The following GRM7 variants were observed in gnomAD, a reference collection of about 807,000 sequenced individuals.
GRM7 encodes the protein metabotropic glutamate receptor 7.
GRM7 carries 35 observed loss-of-function variants against 84.5 expected under a neutral mutation model. That is an observed-to-expected ratio of 0.41 (90% confidence interval 0.32 to 0.55). The LOEUF (loss-of-function observed/expected upper bound fraction) is 0.55, where lower values mean the gene tolerates loss of function less well. GRM7 is among the 20% of genes least tolerant of loss of function. The pLI is 0.19. For synonymous variants in GRM7, 487 were observed against 455.1 expected, an observed-to-expected ratio of 1.07 and a Z score of -0.89; for missense variants, 1,003 against 1,194.6, an observed-to-expected ratio of 0.84 and a Z score of 2.36.
chr3:6,900,101 G>A (rs182715294), intron 1 of GRM7, among the ~76,000 whole-genome samples: 3 of 152,290 alleles, frequency 2.0e-5, no homozygotes, highest in Admixed American at 2.0e-4. Flanking sequence ...AAGATAATCT[G>A]GAAGTCTACT....
rs184643125 is a variant in GRM7, at chr3:7,321,654, A to G, written c.1033+15002A>G. On this transcript the variant is annotated intron_variant, in intron 4 of 9. Transcript: ENST00000357716. ...GTCAAATACCAGTTTTCCTAAAGTC[A>G]ATCACTCTGACACTGATATTTGGAG... is the stretch of plus-strand genomic sequence containing the variant. 4.3e-4 allele frequency among the ~76,000 whole-genome samples: 65 copies of G among 151,980 alleles called. 2 individuals are homozygous for G. Among genetic ancestry groups the G allele is most frequent in the Admixed American group, 3.3e-3 (51 of 15,230 alleles).
At chr3:7,176,408 C>T (rs937704193) in intron 2 of GRM7, among the ~76,000 whole-genome samples, 3 of 151,918 alleles carry the variant, frequency 2.0e-5, no homozygotes, top group Non-Finnish European at 2.9e-5. Context: ...CAGAGCAAGA[C>T]CCTGTCTTGA....
At chr3:7,526,972 C>T (rs1469356028) in intron 7 of GRM7, among the ~76,000 whole-genome samples, 1 of 151,794 alleles carries the variant, frequency 6.6e-6, no homozygotes, top group Non-Finnish European at 1.5e-5. Context: ...ATTCATCTGG[C>T]TTTGTTCTTT....
At chr3:7,392,840 C>T (rs1215853497) in intron 4 of GRM7, among the ~76,000 whole-genome samples, 1 of 152,196 alleles carries the variant, frequency 6.6e-6, no homozygotes, top group East Asian at 1.9e-4. Flanking sequence ...GTGAGAAGTG[C>T]AGTCTAGTTG....
intron 2 of GRM7, among the ~76,000 whole-genome samples, chr3:7,287,691 G>A (rs189675552): frequency 1.2e-4 from 18 of 151,986 alleles, no homozygotes; most frequent in Middle Eastern, 3.4e-3. Context: ...ACTTATTTGC[G>A]TTGGGACATA....
intron 9 of GRM7, chr3:7,686,280 G>A: frequency 4.3e-6 from 3 of 691,204 alleles, no homozygotes; most frequent in Non-Finnish European, 7.8e-6. Context: ...TTTCCCAAAA[G>A]GAAAATAATA....
intron 1 of GRM7, among the ~76,000 whole-genome samples, chr3:6,897,694 T>C (rs1179053588): frequency 1.3e-5 from 2 of 152,234 alleles, no homozygotes; most frequent in African/African-American, 4.8e-5. Context: ...GGTAATAATG[T>C]GGTTTGTAAA....
At chr3:7,457,624 C>T (rs1698072355) in intron 6 of GRM7, among the ~76,000 whole-genome samples, 5 of 152,164 alleles carry the variant, frequency 3.3e-5, no homozygotes, top group Admixed American at 3.3e-4. Flanking sequence ...TGTTAGCTTT[C>T]CTTCATCAAG....
chr3:7,323,454 A>G (rs1700863792), intron 4 of GRM7, among the ~76,000 whole-genome samples: 1 of 152,208 alleles, frequency 6.6e-6, no homozygotes, highest in African/African-American at 2.4e-5. Context: ...TCTGGTGCAC[A>G]TCTGTCTTAC....
chr3:7,433,329 T>C (rs73115588), intron 5 of GRM7, among the ~76,000 whole-genome samples: 2,498 of 152,302 alleles, frequency 0.016, 77 homozygotes, highest in African/African-American at 0.058. Flanking sequence ...TTCCATTCCT[T>C]CCCAGAGCTC....
chr3:7,580,273 G>A (rs3804905), intron 8 of GRM7, among the ~76,000 whole-genome samples: 6,606 of 152,176 alleles, frequency 0.043, 389 homozygotes, highest in African/African-American at 0.13. Flanking sequence ...GGCAGCTCTG[G>A]CAGGTCAGTA....
intron 8 of GRM7, among the ~76,000 whole-genome samples, chr3:7,653,265 C>G (rs930953944): frequency 2.8e-5 from 4 of 140,614 alleles, no homozygotes; most frequent in South Asian, 2.5e-4. Flanking sequence ...GACAAGCACT[C>G]AATAAATGGC....
In GRM7 at chr3:7,126,457, T is replaced by C. The variant is rs1052480082; in HGVS notation, c.520-19995T>C. Among the ~76,000 whole-genome samples the C allele has an allele frequency of 1.3e-4, 20 of 152,262 alleles. 4 individuals carry two copies. The highest frequency in any genetic ancestry group is 4.6e-4 in the Admixed American group (7 of 15,286). On this transcript the variant is annotated intron_variant, in intron 1 of 9. Coordinates refer to ENST00000357716, the MANE Select transcript of GRM7 (RefSeq NM_000844.4). ...CAATAAACCCTAGTCACATATGACA[T>C]ATGAAACCCCGAAGGTTTGTCAACT...
At chr3:7,028,091 G>A (rs1026105774) in intron 1 of GRM7, among the ~76,000 whole-genome samples, 2 of 152,096 alleles carry the variant, frequency 1.3e-5, no homozygotes, top group Non-Finnish European at 2.9e-5. Flanking sequence ...TTTCAATAGA[G>A]TGGAAGCTCC....
chr3:7,068,451 C>A (rs1033495075), intron 1 of GRM7, among the ~76,000 whole-genome samples: 1 of 152,020 alleles, frequency 6.6e-6, no homozygotes, highest in Non-Finnish European at 1.5e-5. Flanking sequence ...CTGATTTCAA[C>A]AAACTGTTTT....
intron 8 of GRM7, among the ~76,000 whole-genome samples, chr3:7,604,255 T>G (rs1287895305): frequency 6.6e-6 from 1 of 152,146 alleles, no homozygotes; most frequent in Non-Finnish European, 1.5e-5. Flanking sequence ...GATCATAAAA[T>G]AAGACTGGTC....
In GRM7 at chr3:7,317,076, T is replaced by C. The variant is rs372610798; in HGVS notation, c.1033+10424T>C. Among the ~76,000 whole-genome samples the C allele has an allele frequency of 3.9e-5, 6 of 152,310 alleles. No individual in the cohort carries two copies. In the East Asian group the frequency reaches 1.2e-3, roughly 29 times the overall value. ...GATTTCATCAGCTTCATCAATGTAC[T>C]GCTGCGAAGTTAGGCAGAAGTACTG... On this transcript the variant is annotated intron_variant, in intron 4 of 9. Transcript: ENST00000357716.
intron 4 of GRM7, among the ~76,000 whole-genome samples, chr3:7,385,532 C>G (rs1334904984): frequency 6.6e-6 from 1 of 151,942 alleles, no homozygotes; most frequent in Non-Finnish European, 1.5e-5. Flanking sequence ...GATCTCCTGA[C>G]CTCGTGATCC....
chr3:7,087,613 T>C (rs1369380962), intron 1 of GRM7, among the ~76,000 whole-genome samples: 1 of 152,136 alleles, frequency 6.6e-6, no homozygotes, highest in Non-Finnish European at 1.5e-5. Context: ...TAAGCTTTAT[T>C]ATAAGTCAAT....
Sources: allele counts gnomAD v4.1 joint callset (sites outside exome capture counted in the v4.1 genomes callset), GRCh38; gene constraint gnomAD v4.1.1; transcripts MANE v1.5; gene names NCBI Gene and HGNC (gene_info 2026-07-23, HGNC 2026-07-21).